HTR4: variants seen among roughly 807,000 people sequenced by gnomAD.
HTR4 encodes the protein 5-hydroxytryptamine (serotonin) receptor 4, G protein-coupled.
Under a neutral mutation model 36.8 loss-of-function variants are expected in HTR4, and 16 were observed. The ratio of observed to expected loss-of-function variants is 0.43; its 90% CI spans 0.29 to 0.66. The LOEUF (loss-of-function observed/expected upper bound fraction) is 0.66. HTR4 is among the 30% of genes least tolerant of loss of function. HTR4 has a pLI of 0.13. For missense variants in HTR4, 438 were observed against 490.9 expected (o/e 0.89, Z 1.02); for synonymous variants, 189 against 185.1 (o/e 1.02, Z -0.17).
intron 6 of HTR4, among the ~76,000 whole-genome samples, chr5:148,495,541 A>G (rs1300849414): frequency 6.6e-6 from 1 of 152,192 alleles, no homozygotes; most frequent in Admixed American, 6.5e-5. Flanking sequence ...CTCTGAGGAT[A>G]CAACAGGCTG....
chr5:148,466,551 C>T (rs1395889040), intron 5 of HTR4, among the ~76,000 whole-genome samples: 2 of 152,090 alleles, frequency 1.3e-5, no homozygotes, highest in African/African-American at 4.8e-5. Context: ...ATTAACTGAG[C>T]AATGGTGGCT....
rs542724995 is a variant in HTR4, at chr5:148,549,902, C to T, written c.152+235G>A. ...TATATAGTGATCACAACTATAAACA[C>T]ATTTGACAAAGAAAAAAATGACAGG... On this transcript the variant is annotated intron_variant, in intron 3 of 6. Transcript: ENST00000377888. Among the ~76,000 whole-genome samples the T allele has an allele frequency of 5.9e-5, 9 of 152,224 alleles. No homozygotes were observed. In the South Asian group the frequency reaches 1.9e-3, roughly 32 times the overall value.
intron 6 of HTR4, among the ~76,000 whole-genome samples, chr5:148,496,432 A>T (rs893534039): frequency 1.3e-5 from 2 of 152,148 alleles, no homozygotes; most frequent in African/African-American, 4.8e-5. Context: ...GCACTCCCCA[A>T]ATTTCCAACA....
At chr5:148,613,263 T>C (rs1752517454) in intron 2 of HTR4, among the ~76,000 whole-genome samples, 2 of 140,840 alleles carry the variant, frequency 1.4e-5, no homozygotes, top group Non-Finnish European at 3.1e-5. Flanking sequence ...TTGATGAACA[T>C]TGATGCAAAA....
rs755776269 is a variant in HTR4 at position 148,509,885 on chromosome 5, T to C, written c.647A>G (p.Tyr216Cys). 5.0e-6 allele frequency: 8 copies of C among 1,613,788 alleles called. No individual in the cohort carries two copies. Among genetic ancestry groups the C allele is most frequent in the South Asian group, 4.4e-5 (4 of 91,062 alleles). Residue 216 changes from tyrosine to cysteine, a missense_variant, in exon 6 of 7, where the codon TAT becomes TGT. By Grantham distance (194) the Tyr-to-Cys change is radical. Transcript: ENST00000377888. ...ATGGGCATGCTCCTTAGCTGTGACA[T>C]AGATGCGGTAATAGGCCAGCACCAT... Reference protein sequence around the residue: ...LLMVLAYYRIYVTAKEHAHQI... With the variant: ...LLMVLAYYRICVTAKEHAHQI...
intron 6 of HTR4, among the ~76,000 whole-genome samples, chr5:148,487,083 T>C (rs926128725): frequency 7.0e-6 from 1 of 142,866 alleles, no homozygotes; most frequent in Non-Finnish European, 1.5e-5. Flanking sequence ...CCCTGACAAT[T>C]TACAAAGCAT....
chr5:148,561,345 T>G (rs901842356), intron 2 of HTR4, among the ~76,000 whole-genome samples: 1 of 152,174 alleles, frequency 6.6e-6, no homozygotes, highest in Non-Finnish European at 1.5e-5. Context: ...TGCCTGAATG[T>G]AAAGCCAAGG....
chr5:148,610,357 G>A (rs1424613970), intron 2 of HTR4, among the ~76,000 whole-genome samples: 1 of 152,152 alleles, frequency 6.6e-6, no homozygotes, highest in African/African-American at 2.4e-5. Flanking sequence ...CTCCTCAAGT[G>A]GGTCCCTGAC....
chr5:148,458,549 G>A (rs1048100741), intron 5 of HTR4, among the ~76,000 whole-genome samples: 1 of 152,098 alleles, frequency 6.6e-6, no homozygotes, highest in African/African-American at 2.4e-5. Context: ...TCAGAGGGGG[G>A]ATGAGATCTC....
intron 2 of HTR4, among the ~76,000 whole-genome samples, chr5:148,609,621 A>G (rs1022386113): frequency 2.7e-4 from 41 of 149,508 alleles, no homozygotes; most frequent in Middle Eastern, 3.2e-3. Flanking sequence ...GCTGGAGTGC[A>G]GTGGCGCGAT....
chr5:148,553,892 A>T (rs918472548), intron 2 of HTR4, among the ~76,000 whole-genome samples: 5 of 152,252 alleles, frequency 3.3e-5, no homozygotes, highest in African/African-American at 1.2e-4. Flanking sequence ...ACCCGAAAGA[A>T]TTGAAAGCAG....
At chr5:148,469,294 T>C (rs1313428593) in intron 5 of HTR4, among the ~76,000 whole-genome samples, 1 of 152,184 alleles carries the variant, frequency 6.6e-6, no homozygotes, top group Non-Finnish European at 1.5e-5. Context: ...CTTCAAAATG[T>C]TAGCTTTTTT....
At chr5:148,485,002 G>T (rs886816242) in intron 6 of HTR4, among the ~76,000 whole-genome samples, 1 of 152,024 alleles carries the variant, frequency 6.6e-6, no homozygotes, top group African/African-American at 2.4e-5. Context: ...AGGAAGGAGA[G>T]AAGGAAGAAA....
chr5:148,500,759 G>A (rs555917597), intron 6 of HTR4, among the ~76,000 whole-genome samples: 1 of 151,838 alleles, frequency 6.6e-6, no homozygotes, highest in African/African-American at 2.4e-5. Flanking sequence ...ATTTAAAAGA[G>A]GTTCAATCTG....
intron 5 of HTR4, among the ~76,000 whole-genome samples, chr5:148,460,714 A>C (rs1419723050): frequency 6.6e-6 from 1 of 152,188 alleles, no homozygotes; most frequent in Non-Finnish European, 1.5e-5. Context: ...AAGGAAGAGC[A>C]TCAGAGAAGG....
At chr5:148,476,525 G>C (rs897908942), downstream of HTR4, 1 of 1,306,600 alleles carries the variant, frequency 7.7e-7, no homozygotes, top group Non-Finnish European at 9.8e-7. Flanking sequence ...TTTTGAAGTG[G>C]GTGGAGTACT....
rs1032254723 is a variant in HTR4, at chr5:148,482,394, A to G, written c.*809T>C. The G allele has an allele frequency of 6.1e-6, 6 of 985,484 alleles. No homozygotes were observed. The highest frequency in any genetic ancestry group is 7.2e-6 in the Non-Finnish European group (6 of 830,096). The allele number at this position is 985,484 out of a possible 1,614,324, so 61.0% of individuals were successfully genotyped here. ...ACGTCCCGTTCTAGCCCAGCAGGAGAGCGAGCATCTCAGGGCAGACACGCC... is the reference window on the plus strand; with the variant it reads ...ACGTCCCGTTCTAGCCCAGCAGGAGGGCGAGCATCTCAGGGCAGACACGCC... On this transcript the variant is annotated 3_prime_UTR_variant, in exon 7 of 7. Coordinates refer to ENST00000377888, the MANE Select transcript of HTR4 (RefSeq NM_000870.7).
At chr5:148,463,155 C>CTT (rs1175722648) in intron 5 of HTR4, among the ~76,000 whole-genome samples, 1 of 82,542 alleles carries the variant, frequency 1.2e-5, no homozygotes, top group Non-Finnish European at 2.4e-5. Context: ...CTTTTCATTT[C>CTT]TTTTTTTTTC....
intron 6 of HTR4, among the ~76,000 whole-genome samples, chr5:148,506,606 A>G (rs1043213604): frequency 6.6e-6 from 1 of 152,160 alleles, no homozygotes; most frequent in Non-Finnish European, 1.5e-5. Context: ...ATGGGAGAAA[A>G]TTTTTGCAAT....
Sources: allele counts gnomAD v4.1 joint callset (sites outside exome capture counted in the v4.1 genomes callset), GRCh38; gene constraint gnomAD v4.1.1; transcripts MANE v1.5; gene names NCBI Gene and HGNC (gene_info 2026-07-23, HGNC 2026-07-21).